The following MATR3 variants were observed in gnomAD, a reference collection of about 807,000 sequenced individuals.
MATR3 encodes the protein matrin 3.
A neutral mutation model predicts 85.5 loss-of-function variants in MATR3; 4 were observed. The ratio of observed to expected loss-of-function variants is 0.05; its 90% confidence interval spans 0.02 to 0.11. The LOEUF (loss-of-function observed/expected upper bound fraction) is 0.11. MATR3 is among the 10% of genes least tolerant of loss of function. The probability of loss-of-function intolerance (pLI) is 1.00; values close to 1 mark genes in which losing one functional copy is unlikely to be tolerated. For missense variants in MATR3, 685 were observed against 1,016.1 expected (o/e 0.67, Z 4.43); for synonymous variants, 336 against 343.1 (o/e 0.98, Z 0.23).
At chr5:139,278,646 G>T in intron 2 of MATR3, 2 of 370,794 alleles carry the variant, frequency 5.4e-6, no homozygotes, top group South Asian at 3.9e-5. Context: ...GGGGATTCCT[G>T]TTAAAGGGTT....
chr5:139,308,395 C>G, intron 2 of MATR3, 68 bp downstream of exon 2: 1 of 1,569,954 alleles, frequency 6.4e-7, no homozygotes, highest in South Asian at 1.1e-5. Context: ...ATATCTTTGA[C>G]TCTAATTCTG....
chr5:139,296,899 C>T (rs181082302), intron 1 of MATR3, among the ~76,000 whole-genome samples: 4 of 152,276 alleles, frequency 2.6e-5, no homozygotes, highest in African/African-American at 4.8e-5. Flanking sequence ...TGGATGATTG[C>T]GGCCAGTGGC....
At position 139,308,017 on chromosome 5, in the gene MATR3, A is replaced by G. The variant is rs1470416118; in HGVS notation, c.602A>G (p.Asp201Gly). 3 of 1,614,054 alleles carry G rather than the reference A, an allele frequency of 1.9e-6. No homozygotes were observed. The highest frequency in any genetic ancestry group is 3.3e-5 in the Admixed American group (2 of 59,994). Residue 201 changes from aspartate to glycine, a missense_variant, in exon 2 of 15, where the codon GAT becomes GGT. Physicochemically the swap from Asp to Gly is moderately conservative, Grantham distance 94. Coordinates refer to ENST00000394805, the MANE Select transcript of MATR3 (RefSeq NM_018834.6). Reference sequence around the variant, plus strand: ...GGTCCTAGTCTCAACCCAGTGCTTGATTATGACCATGGAAGTCGTTCTCAA... The same window carrying G: ...GGTCCTAGTCTCAACCCAGTGCTTGGTTATGACCATGGAAGTCGTTCTCAA... ...DRGPSLNPVL[D>G]YDHGSRSQES...
At chr5:139,319,645 C>G (rs1301022038) in intron 9 of MATR3, 144 bp downstream of exon 9, 4 of 660,084 alleles carry the variant, frequency 6.1e-6, no homozygotes, top group Admixed American at 5.6e-5. Flanking sequence ...GTCAGGAGTT[C>G]GAGACCAGCC....
chr5:139,330,560 A>G lies in MATR3; in HGVS notation c.*1165A>G, dbSNP rs528764967. On this transcript the variant is annotated 3_prime_UTR_variant, in exon 15 of 15. Coordinates refer to ENST00000394805, the MANE Select transcript of MATR3 (RefSeq NM_018834.6). ...GCCGCTAAAGATCTGAGTTTTAAAA[A>G]TGTTGTTGCTGGTGGATTTCTTGTT... The G allele has an allele frequency of 5.9e-5, 27 of 454,118 alleles. No individual in the cohort carries two copies. Among genetic ancestry groups the G allele is most frequent in the African/African-American group, 5.2e-4 (26 of 50,134 alleles). The allele number at this position is 454,118 out of a possible 1,614,324, so 28.1% of individuals were successfully genotyped here. A position where few individuals can be genotyped will look rare whatever the true frequency, so the allele number is the denominator to read the frequency against.
At chr5:139,308,443 C>T in intron 2 of MATR3, 116 bp downstream of exon 2, 4 of 1,210,584 alleles carry the variant, frequency 3.3e-6, no homozygotes, top group Non-Finnish European at 4.9e-6. Flanking sequence ...CATTTTTAAA[C>T]TTTTGAGAAC....
chr5:139,301,350 C>G (rs993099791), intron 1 of MATR3, among the ~76,000 whole-genome samples: 3 of 151,566 alleles, frequency 2.0e-5, no homozygotes, highest in African/African-American at 7.3e-5. Context: ...GACAGAGTCT[C>G]ACTCTGTCAC....
chr5:139,315,558 A>G, intron 3 of MATR3, 139 bp from the exon 4 acceptor site: 1 of 600,296 alleles, frequency 1.7e-6, no homozygotes, highest in Non-Finnish European at 3.0e-6. Flanking sequence ...TCTATTGGAA[A>G]TGCTTTAAAA....
chr5:139,316,037 C>G (rs1247419503), intron 4 of MATR3, 39 bp from the exon 5 acceptor site: 5 of 1,431,620 alleles, frequency 3.5e-6, no homozygotes, highest in Non-Finnish European at 3.9e-6. Context: ...CAATGGACCT[C>G]TTTATTATGA....
chr5:139,303,291 G>A (rs1378495002), intron 1 of MATR3, among the ~76,000 whole-genome samples: 1 of 152,022 alleles, frequency 6.6e-6, no homozygotes, highest in Non-Finnish European at 1.5e-5. Context: ...TAGTAGAGAC[G>A]AGGTTTCACC....
chr5:139,320,307 C>T (rs1468821812), intron 9 of MATR3, among the ~76,000 whole-genome samples: 1 of 146,764 alleles, frequency 6.8e-6, no homozygotes, highest in Non-Finnish European at 1.5e-5. Context: ...GACTCCATCT[C>T]AAAAAAAAAA....
intron 3 of MATR3, chr5:139,285,243 A>C (rs1753666534): frequency 6.6e-6 from 1 of 152,230 alleles, no homozygotes; most frequent in African/African-American, 2.4e-5. Flanking sequence ...TCAAATGCCA[A>C]ATACCTTGTT....
chr5:139,286,810 C>T lies in MATR3; in HGVS notation c.-178+7681C>T, dbSNP rs112556826. Among the ~76,000 whole-genome samples the T allele has an allele frequency of 6.0e-3, 895 of 150,250 alleles. 7 individuals are homozygous for T. The highest frequency in any genetic ancestry group is 0.021 in the African/African-American group (861 of 40,930). ...AGTGAGCCAAGATCATGCCACTATA[C>T]TCCAGCCCGGGCAAGAGAGCCAGAC... On this transcript the variant is annotated intron_variant, in intron 3 of 16. Coordinates refer to ENST00000509990, the Ensembl canonical transcript of MATR3.
rs1379357957 is a variant in MATR3, at chr5:139,331,210, C to G, written c.*1815C>G. 6.6e-6 allele frequency: 3 copies of G among 454,150 alleles called. No individual in the cohort carries two copies. The highest frequency in any genetic ancestry group is 1.3e-5 in the Non-Finnish European group (3 of 226,804). 28.1% of individuals were successfully genotyped at this position (454,150 alleles called of 1,614,324 possible). A position where few individuals can be genotyped will look rare whatever the true frequency, so the allele number is the denominator to read the frequency against. ...AATAGTTGGCTAAATTTTATGATCTCTCCCGTTGAAAAGTAGGTGATGATT... is the reference window on the plus strand; with the variant it reads ...AATAGTTGGCTAAATTTTATGATCTGTCCCGTTGAAAAGTAGGTGATGATT... On this transcript the variant is annotated 3_prime_UTR_variant, in exon 15 of 15. Transcript: ENST00000394805.
upstream of MATR3, chr5:139,293,706 G>A (rs1561924492): frequency 2.9e-6 from 1 of 340,344 alleles, no homozygotes; most frequent in Non-Finnish European, 5.3e-6. Context: ...CGCTGCCGCC[G>A]CTTCTCGCCA....
At chr5:139,311,221 C>T (rs1326294077) in intron 2 of MATR3, 1 of 152,144 alleles carries the variant, frequency 6.6e-6, no homozygotes, top group African/African-American at 2.4e-5. Flanking sequence ...TTTTTTCTGC[C>T]ATTCTGTAAG....
At chr5:139,315,417 G>T in intron 3 of MATR3, 1 of 352,000 alleles carries the variant, frequency 2.8e-6, no homozygotes, top group Non-Finnish European at 5.3e-6. Context: ...TTCTTTGTGC[G>T]GCACTTCCTC....
At position 139,322,842 on chromosome 5, in the gene MATR3, G is replaced by T. The variant is rs1484746567; in HGVS notation, c.2023G>T (p.Val675Leu). ...AGCACTGCTAGAAAGTGGCAGTTCA[G>T]TGGGAGACGAGACCGATCTTGCTAA... Reference protein sequence around the residue: ...AAALLESGSSVGDETDLANLG... With the variant: ...AAALLESGSSLGDETDLANLG... The change falls in exon 12 of 15, where the codon GTG (valine) becomes TTG (leucine). Residue 675 changes from valine (V) to leucine (L), a missense_variant. Transcript: ENST00000394805. The T allele has an allele frequency of 6.2e-7, 1 of 1,614,102 alleles. No homozygotes were observed. Among genetic ancestry groups the T allele is most frequent in the Admixed American group, 1.7e-5 (1 of 60,000 alleles).
At chr5:139,289,718 C>T (rs1753812566), upstream of MATR3, among the ~76,000 whole-genome samples, 1 of 152,228 alleles carries the variant, frequency 6.6e-6, no homozygotes, top group African/African-American at 2.4e-5. Context: ...GATATCCTTA[C>T]TGCCAATTCG....
Sources: gnomAD v4.1 joint callset for allele counts (sites outside exome capture counted in the v4.1 genomes callset) on GRCh38, gnomAD v4.1.1 for gene constraint, MANE v1.5 for transcripts, NCBI Gene and HGNC (gene_info 2026-07-23, HGNC 2026-07-21) for gene names.